PKD2: variants seen among roughly 807,000 people sequenced by gnomAD.
PKD2 encodes polycystin 2, transient receptor potential cation channel.
Under a neutral mutation model 105.9 loss-of-function variants are expected in PKD2, and 48 were observed. That is an observed-to-expected ratio of 0.45 (90% CI 0.36 to 0.58). The LOEUF (loss-of-function observed/expected upper bound fraction) is 0.58, where lower values mean the gene tolerates loss of function less well. Ranked by LOEUF, PKD2 falls within the 20% of genes least tolerant of loss-of-function variation. PKD2 has a pLI of 0.00. For missense variants in PKD2, 1,078 were observed against 1,255.3 expected, an observed-to-expected ratio of 0.86 and a Z score of 2.13; for synonymous variants, 464 against 481.1, an observed-to-expected ratio of 0.96 and a Z score of 0.46.
chr4:88,067,833 C>T, intron 12 of PKD2, 65 bp from the exon 13 acceptor site: 2 of 1,448,124 alleles, frequency 1.4e-6, no homozygotes, highest in East Asian at 2.3e-5. Context: ...TTGCCCAAGT[C>T]CTTGGTGAGG....
At chr4:88,072,005 CAG>C (rs1241065704) in intron 13 of PKD2, among the ~76,000 whole-genome samples, 5 of 110,128 alleles carry the variant, frequency 4.5e-5, no homozygotes, top group Non-Finnish European at 6.8e-5. Context: ...TTTTTTGAGA[CAG>C]AGTCTCACTC....
At chr4:88,066,363 C>CTTTT (rs36207866) in intron 12 of PKD2, among the ~76,000 whole-genome samples, 1 of 137,544 alleles carries the variant, frequency 7.3e-6, no homozygotes, top group South Asian at 2.3e-4. Context: ...ACTTTTTTTT[C>CTTTT]TTTTTTTTTT....
intron 1 of PKD2, among the ~76,000 whole-genome samples, chr4:88,015,315 G>C (rs986318832): frequency 1.3e-5 from 2 of 152,152 alleles, no homozygotes; most frequent in African/African-American, 4.8e-5. Context: ...AATGAACTAG[G>C]ATTGGCATTG....
At chr4:88,053,298 A>G (rs1720183074) in intron 7 of PKD2, among the ~76,000 whole-genome samples, 1 of 152,174 alleles carries the variant, frequency 6.6e-6, no homozygotes, top group South Asian at 2.1e-4. Context: ...ACTGTTCTGG[A>G]AGGTACTTAC....
At chr4:88,039,882 T>C (rs942610319) in intron 4 of PKD2, among the ~76,000 whole-genome samples, 9 of 152,104 alleles carry the variant, frequency 5.9e-5, no homozygotes, top group African/African-American at 2.2e-4. Context: ...GCTGGGACTA[T>C]GAGAATATGC....
chr4:88,063,166 A>G (rs78224328), intron 10 of PKD2, among the ~76,000 whole-genome samples: 2 of 152,286 alleles, frequency 1.3e-5, no homozygotes, highest in East Asian at 1.9e-4. Flanking sequence ...AGCATCTGCT[A>G]TCCAATTCAC....
At chr4:88,065,949 G>A (rs2110138851) in intron 12 of PKD2, 70 bp downstream of exon 12, 1 of 873,610 alleles carries the variant, frequency 1.1e-6, no homozygotes, top group African/African-American at 1.6e-5. Context: ...AAACACTATA[G>A]AAGTAGTGGG....
At chr4:88,029,459 T>G (rs1471828124) in intron 2 of PKD2, among the ~76,000 whole-genome samples, 1 of 152,098 alleles carries the variant, frequency 6.6e-6, no homozygotes, top group Non-Finnish European at 1.5e-5. Context: ...TGCCCCAGCC[T>G]GAACTCATCT....
intron 2 of PKD2, among the ~76,000 whole-genome samples, chr4:88,024,550 A>T (rs555551799): frequency 2.2e-4 from 34 of 151,684 alleles, no homozygotes; most frequent in African/African-American, 7.7e-4. Flanking sequence ...TGGTGAATCT[A>T]TAATAATAAA....
chr4:88,043,881 C>T (rs541148308), intron 5 of PKD2, among the ~76,000 whole-genome samples: 1 of 152,118 alleles, frequency 6.6e-6, no homozygotes, highest in Non-Finnish European at 1.5e-5. Context: ...GCACAGTAAC[C>T]GGAGTGCTTG....
At chr4:88,055,401 G>C (rs925407448) in intron 7 of PKD2, among the ~76,000 whole-genome samples, 8 of 152,080 alleles carry the variant, frequency 5.3e-5, no homozygotes. Flanking sequence ...AGCATCACTA[G>C]TCACAGTTCA....
intron 2 of PKD2, among the ~76,000 whole-genome samples, chr4:88,021,794 C>T (rs1318206589): frequency 3.3e-5 from 5 of 152,230 alleles, no homozygotes. Context: ...CTTTTTTCCA[C>T]GTTGCTTTTC....
At position 88,007,796 on chromosome 4, in the gene PKD2, C is replaced by A; in HGVS notation, c.63C>A (p.Pro21=). The change falls in exon 1 of 15, where the codon CCC becomes CCA. Residue 21 remains proline (P), a synonymous_variant. Transcript: ENST00000237596. ...QPGDAKRPPA[P]RAPDPGRLMA... ...GGGACGCCAAGCGGCCGCCCGCGCCCCGCGCGCCGGACCCGGGCCGGCTGA... is the reference window on the plus strand; with the variant it reads ...GGGACGCCAAGCGGCCGCCCGCGCCACGCGCGCCGGACCCGGGCCGGCTGA... The A allele has an allele frequency of 1.7e-6, 2 of 1,167,322 alleles. No homozygotes were observed. Among genetic ancestry groups the A allele is most frequent in the Non-Finnish European group, 2.1e-6 (2 of 943,952 alleles). The allele number at this position is 1,167,322 out of a possible 1,614,324, so 72.3% of individuals were successfully genotyped here.
intron 1 of PKD2, among the ~76,000 whole-genome samples, chr4:88,008,647 C>G (rs1452449676): frequency 6.8e-6 from 1 of 146,552 alleles, no homozygotes; most frequent in Non-Finnish European, 1.5e-5. Context: ...TTTTTTTTTT[C>G]TTGTAGAGGA....
chr4:88,046,675 G>A lies in PKD2; in HGVS notation c.1353G>A (p.Val451=). The A allele has an allele frequency of 6.2e-7, 1 of 1,612,768 alleles. No homozygotes were observed. Among genetic ancestry groups the A allele is most frequent in the Non-Finnish European group, 8.5e-7 (1 of 1,178,732 alleles). The change falls in exon 6 of 15, where the codon GTG becomes GTA. Residue 451 remains valine (V), a synonymous_variant. Transcript: ENST00000237596. Reference sequence around the variant, plus strand: ...TTGAATTCCCAGCAACAGGTGGTGTGATTCCATCTTGGCAATTTCAGCCTT... The same window carrying A: ...TTGAATTCCCAGCAACAGGTGGTGTAATTCCATCTTGGCAATTTCAGCCTT... ...LLVEFPATGG[V]IPSWQFQPLK...
At chr4:88,009,572 T>G (rs1726316861) in intron 1 of PKD2, among the ~76,000 whole-genome samples, 1 of 152,180 alleles carries the variant, frequency 6.6e-6, no homozygotes, top group Non-Finnish European at 1.5e-5. Context: ...ACATAAAATG[T>G]GCAGCATGTA....
rs183818053 is a variant in PKD2 at position 88,042,089 on chromosome 4, G to T, written c.1095-1144G>T. On this transcript the variant is annotated intron_variant, in intron 4 of 14. Transcript: ENST00000237596. ...GCCAAACTGAACTACTTCTTCTCTT[G>T]ACCAATGGCTCACGGTTGAAAATGC... 9.2e-5 allele frequency among the ~76,000 whole-genome samples: 14 copies of T among 152,272 alleles called. No individual in the cohort carries two copies. In the East Asian group the frequency reaches 2.5e-3, roughly 27 times the overall value.
chr4:88,053,131 C>G (rs1720173183), intron 7 of PKD2, among the ~76,000 whole-genome samples: 2 of 152,096 alleles, frequency 1.3e-5, no homozygotes, highest in Admixed American at 1.3e-4. Flanking sequence ...GCCACATGTG[C>G]CTATTTAAAT....
At chr4:88,075,407 A>T in intron 14 of PKD2, 51 bp from the exon 15 acceptor site, 1 of 1,298,948 alleles carries the variant, frequency 7.7e-7, no homozygotes, top group Non-Finnish European at 1.1e-6. Context: ...TGGACTTCCT[A>T]AGGCATTTCC....
Sources: allele counts gnomAD v4.1 joint callset (sites outside exome capture counted in the v4.1 genomes callset), GRCh38; gene constraint gnomAD v4.1.1; transcripts MANE v1.5; gene names NCBI Gene and HGNC (gene_info 2026-07-23, HGNC 2026-07-21).